The following ASIC2 variants were observed in gnomAD, a reference collection of about 807,000 sequenced individuals.
ASIC2 encodes the protein acid sensing ion channel subunit 2, also known as acid-sensing ion channel 2.
A neutral mutation model predicts 57.3 loss-of-function variants in ASIC2; 25 were observed. The observed-to-expected ratio is 0.44, with a 90% CI of 0.32 to 0.61. The LOEUF (loss-of-function observed/expected upper bound fraction) is 0.61, where lower values mean the gene tolerates loss of function less well. Ranked by LOEUF, ASIC2 falls within the 20% of genes least tolerant of loss-of-function variation. The probability of loss-of-function intolerance (pLI) is 0.06; values close to 1 mark genes in which losing one functional copy is unlikely to be tolerated. For missense variants in ASIC2, 641 were observed against 738.1 expected (o/e 0.87, Z 1.52); for synonymous variants, 319 against 307.5 (o/e 1.04, Z -0.39).
intron 1 of ASIC2, among the ~76,000 whole-genome samples, chr17:33,314,423 G>A (rs575096408): frequency 2.0e-5 from 3 of 152,192 alleles, no homozygotes; most frequent in African/African-American, 7.2e-5. Context: ...GTATTCTTGA[G>A]ATGCGGATTC....
At chr17:33,694,724 T>A (rs777632326) in intron 1 of ASIC2, among the ~76,000 whole-genome samples, 3 of 152,188 alleles carry the variant, frequency 2.0e-5, no homozygotes, top group Non-Finnish European at 4.4e-5. Flanking sequence ...GAGATACATG[T>A]GGAGTGAAGG....
At chr17:34,122,045 T>A (rs552689311) in intron 1 of ASIC2, among the ~76,000 whole-genome samples, 1 of 152,364 alleles carries the variant, frequency 6.6e-6, no homozygotes, top group Admixed American at 6.5e-5. Context: ...AAAGCCCATA[T>A]GGGCACAGAG....
intron 1 of ASIC2, among the ~76,000 whole-genome samples, chr17:33,938,719 G>A (rs1916121354): frequency 6.6e-6 from 1 of 152,158 alleles, no homozygotes; most frequent in East Asian, 1.9e-4. Flanking sequence ...CCCAGCCTAG[G>A]AGCTGGCCAT....
At chr17:33,996,370 C>T (rs572693558) in intron 1 of ASIC2, among the ~76,000 whole-genome samples, 5 of 152,162 alleles carry the variant, frequency 3.3e-5, no homozygotes, top group Admixed American at 2.0e-4. Flanking sequence ...TCTCGTTTGT[C>T]TAGTTTTGCT....
intron 1 of ASIC2, among the ~76,000 whole-genome samples, chr17:33,146,352 A>G (rs1904563476): frequency 1.3e-5 from 2 of 152,172 alleles, no homozygotes. Flanking sequence ...AGATGAGGAA[A>G]TTGACCCTCG....
At chr17:34,101,997 A>G (rs1910883235) in intron 1 of ASIC2, among the ~76,000 whole-genome samples, 1 of 152,186 alleles carries the variant, frequency 6.6e-6, no homozygotes, top group South Asian at 2.1e-4. Context: ...TGCATAAACA[A>G]TAACTGTATG....
At chr17:33,271,657 C>T (rs1044843637) in intron 1 of ASIC2, among the ~76,000 whole-genome samples, 1 of 152,156 alleles carries the variant, frequency 6.6e-6, no homozygotes. Context: ...CCAAATTGGA[C>T]CATGCTTACC....
At chr17:33,978,387 C>T (rs978280639) in intron 1 of ASIC2, among the ~76,000 whole-genome samples, 1 of 152,180 alleles carries the variant, frequency 6.6e-6, no homozygotes, top group African/African-American at 2.4e-5. Flanking sequence ...GGCCAGACTG[C>T]CCCGTCAAGA....
At chr17:33,788,036 G>A (rs1238488596) in intron 1 of ASIC2, among the ~76,000 whole-genome samples, 1 of 152,134 alleles carries the variant, frequency 6.6e-6, no homozygotes, top group Non-Finnish European at 1.5e-5. Context: ...AAAAGCAATT[G>A]CAACAAAAGC....
chr17:33,985,413 G>A (rs116848854), intron 1 of ASIC2, among the ~76,000 whole-genome samples: 2,079 of 152,228 alleles, frequency 0.014, 22 homozygotes, highest in Non-Finnish European at 0.021. Context: ...TCCAGGGTGG[G>A]CCTGACATTC....
At chr17:33,029,891 T>C (rs1015213563) in intron 3 of ASIC2, among the ~76,000 whole-genome samples, 2 of 152,232 alleles carry the variant, frequency 1.3e-5, no homozygotes, top group Non-Finnish European at 2.9e-5. Context: ...TTGAGCACAA[T>C]TTTATGTGTT....
chr17:33,755,736 C>G (rs62055779), intron 1 of ASIC2, among the ~76,000 whole-genome samples: 2 of 152,112 alleles, frequency 1.3e-5, no homozygotes, highest in African/African-American at 4.8e-5. Flanking sequence ...CTAGATCTAA[C>G]GTGACGTAAG....
chr17:33,055,508 C>T (rs1047450376), intron 3 of ASIC2, among the ~76,000 whole-genome samples: 1 of 152,136 alleles, frequency 6.6e-6, no homozygotes. Flanking sequence ...TGCCTCTTCC[C>T]GAAAGCTTTT....
In ASIC2 at chr17:33,498,697, C is replaced by T. The variant is rs530552303; in HGVS notation, c.556-386630G>A. Among the ~76,000 whole-genome samples the T allele has an allele frequency of 5.3e-5, 8 of 152,276 alleles. No homozygotes were observed. In the East Asian group the frequency reaches 7.7e-4, roughly 15 times the overall value. ...AAGCATAAGGCACAGAGCCTTTCTC[C>T]GGGGCTCACAGGCCGTGGAAGTTCA... On this transcript the variant is annotated intron_variant, in intron 1 of 9. Coordinates refer to the ASIC2 transcript ENST00000359872.
chr17:33,147,651 A>G lies in ASIC2; in HGVS notation c.709-35584T>C, dbSNP rs1346490235. 2.0e-5 allele frequency among the ~76,000 whole-genome samples: 3 copies of G among 152,180 alleles called. No individual in the cohort carries two copies. In the East Asian group the frequency reaches 5.8e-4, roughly 29 times the overall value. The stretch of plus-strand genomic sequence containing the variant: ...AATAATCTTTCTGTGTTTGTGCCAT[A>G]GGAGGATCTGCTAATAATTTTTCTA... On this transcript the variant is annotated intron_variant, in intron 1 of 9. Coordinates refer to ENST00000225823, the MANE Select transcript of ASIC2 (RefSeq NM_183377.2).
At chr17:33,823,599 C>T (rs1912815366) in intron 1 of ASIC2, among the ~76,000 whole-genome samples, 2 of 152,144 alleles carry the variant, frequency 1.3e-5, no homozygotes, top group African/African-American at 2.4e-5. Flanking sequence ...TGATTAGTAT[C>T]GGCCACACTT....
chr17:33,874,489 G>A (rs1297247154), intron 1 of ASIC2, among the ~76,000 whole-genome samples: 1 of 152,194 alleles, frequency 6.6e-6, no homozygotes, highest in Non-Finnish European at 1.5e-5. Context: ...AGCAACCTTA[G>A]TCTGAAGCCA....
At chr17:33,166,185 T>C (rs35470632) in intron 1 of ASIC2, among the ~76,000 whole-genome samples, 3,747 of 152,316 alleles carry the variant, frequency 0.025, 165 homozygotes, top group African/African-American at 0.086. Context: ...TCTAATCTTT[T>C]ATTTCTTCAT....
chr17:33,070,873 A>C (rs1338142733), intron 3 of ASIC2, among the ~76,000 whole-genome samples: 1 of 151,568 alleles, frequency 6.6e-6, no homozygotes, highest in Non-Finnish European at 1.5e-5. Flanking sequence ...TTTTTACTAG[A>C]TATAGATTTT....
Sources: allele counts gnomAD v4.1 joint callset (sites outside exome capture counted in the v4.1 genomes callset), GRCh38; gene constraint gnomAD v4.1.1; transcripts MANE v1.5; gene names NCBI Gene and HGNC (gene_info 2026-07-23, HGNC 2026-07-21).